The following AHNAK2 variants were observed in gnomAD, a reference collection of about 807,000 sequenced individuals.
AHNAK2 encodes protein AHNAK2.
AHNAK2 carries 18 observed loss-of-function variants against 30.7 expected under a neutral mutation model. The ratio of observed to expected loss-of-function variants is 0.59; its 90% CI spans 0.41 to 0.87. AHNAK2 has a LOEUF of 0.87. Among genes scored for constraint, AHNAK2 ranks in the 40% least tolerant of loss-of-function variants. The pLI, the probability that AHNAK2 is intolerant of heterozygous loss-of-function variation, is 0.00. For missense variants in AHNAK2, 8,604 were observed against 7,373.0 expected, an observed-to-expected ratio of 1.17 and a Z score of -6.11; for synonymous variants, 3,590 against 3,073.8, an observed-to-expected ratio of 1.17 and a Z score of -5.56.
chr14:104,941,276 T>C lies in AHNAK2; in HGVS notation c.14175A>G (p.Ala4725=). Residue 4725 remains alanine, a synonymous_variant, in exon 7 of 7, where the codon GCA becomes GCG. Coordinates refer to ENST00000333244, the MANE Select transcript of AHNAK2 (RefSeq NM_138420.4). ...KTPKDSLVPG[A]KSSIGLSTIP... ...TCGTGGAAAGACCTATGCTAGACTT[T>C]GCACCTGGGACTAAACTATCTTTAG... is the stretch of plus-strand genomic sequence containing the variant. 1 of 1,613,584 alleles carries C rather than the reference T, an allele frequency of 6.2e-7. No homozygotes were observed. Among genetic ancestry groups the C allele is most frequent in the Non-Finnish European group, 8.5e-7 (1 of 1,179,848 alleles).
At position 104,957,731 on chromosome 14, in the gene AHNAK2, G is replaced by A. The variant is rs77824155; in HGVS notation, c.56-59C>T. 1,646 of 1,527,572 alleles carry A rather than the reference G, an allele frequency of 1.1e-3. 53 individuals carry two copies. In the East Asian group the frequency reaches 0.029, roughly 27 times the overall value. 94.6% of individuals were successfully genotyped at this position (1,527,572 alleles called of 1,614,324 possible). A position where few individuals can be genotyped will look rare whatever the true frequency, so the allele number is the denominator to read the frequency against. On this transcript the variant is annotated intron_variant, in intron 1 of 6. Coordinates refer to ENST00000333244, the MANE Select transcript of AHNAK2 (RefSeq NM_138420.4). ...AGGCTGGGGGAGCAGATCGGGGCCC[G>A]GGGGAGGGAGCCAGGACTGTATGTA...
In AHNAK2 at chr14:104,937,419, G is replaced by A. The variant is rs1343811379; in HGVS notation, c.*644C>T. The A allele has an allele frequency of 1.3e-5, 2 of 152,484 alleles. No homozygotes were observed. Among genetic ancestry groups the A allele is most frequent in the Non-Finnish European group, 2.9e-5 (2 of 68,276 alleles). 9.4% of individuals were successfully genotyped at this position (152,484 alleles called of 1,614,324 possible). Reference sequence around the variant, plus strand: ...GGCAGGCCAGTGGACATGGATAGATGAGAATGACAACTCACAGATGTCCTA... The same window carrying A: ...GGCAGGCCAGTGGACATGGATAGATAAGAATGACAACTCACAGATGTCCTA... On this transcript the variant is annotated 3_prime_UTR_variant, in exon 7 of 7. Transcript: ENST00000333244.
At chr14:104,961,179 A>G (rs1899124959) in intron 1 of AHNAK2, among the ~76,000 whole-genome samples, 2 of 151,924 alleles carry the variant, frequency 1.3e-5, no homozygotes, top group African/African-American at 2.4e-5. Context: ...TTTTACAAAT[A>G]TAGAAGTAAA....
rs148191664 is a variant in AHNAK2 at position 104,944,447 on chromosome 14, C to T, written c.11004G>A (p.Val3668=). ...TGGAGGGGAGACTCACATCGGCTTC[C>T]ACCTTGGGTGCAGACACATCCACCG... ...EASVDVSAPK[V]EADVSLPSMQ... The change falls in exon 7 of 7, where the codon GTG becomes GTA. Residue 3668 remains valine (V), a synonymous_variant. Transcript: ENST00000333244. 8,921 of 1,613,168 alleles carry T rather than the reference C, an allele frequency of 5.5e-3. 37 individuals are homozygous for T. The highest frequency in any genetic ancestry group is 6.1e-3 in the Non-Finnish European group (7,249 of 1,179,634).
Position 104,957,489 on chromosome 14 carries a change from T to C in AHNAK2, c.134A>G (p.Asp45Gly), listed in dbSNP as rs1344326115. ...CTGCGGCCGTGGTCGAATGCCCTCA[T>C]CCGCAGGCCCTTCAGTCACCTGACG... is the stretch of plus-strand genomic sequence containing the variant. Reference protein sequence around the residue: ...DDHSVTEGPADEGIRPRPQGS... With the variant: ...DDHSVTEGPAGEGIRPRPQGS... The change falls in exon 3 of 7, where the codon GAT becomes GGT. Residue 45 changes from aspartate to glycine, a missense_variant. By Grantham distance (94) the Asp-to-Gly change is moderately conservative. Coordinates refer to ENST00000333244, the MANE Select transcript of AHNAK2 (RefSeq NM_138420.4). 6.2e-7 allele frequency: 1 copy of C among 1,600,222 alleles called. No individual in the cohort carries two copies. The highest frequency in any genetic ancestry group is 8.5e-7 in the Non-Finnish European group (1 of 1,171,752).
chr14:104,945,268 C>A lies in AHNAK2; in HGVS notation c.10183G>T (p.Glu3395Ter). Residue 3395 changes from glutamate (E) to a stop codon, truncating the protein, a stop_gained, in exon 7 of 7, where the codon GAG becomes TAG. Transcript: ENST00000333244. LOFTEE classifies it low-confidence loss of function (END_TRUNC). ...AGLKGHLPKV[E>*]MPSFKMPKVD... ...TTGGGCATCTTGAAACTGGGCATCTCCACCTTGGGCAGGTGCCCTTTGAGG... is the reference window on the plus strand; with the variant it reads ...TTGGGCATCTTGAAACTGGGCATCTACACCTTGGGCAGGTGCCCTTTGAGG... 6.2e-7 allele frequency: 1 copy of A among 1,611,104 alleles called. No individual in the cohort carries two copies. The highest frequency in any genetic ancestry group is 1.1e-5 in the South Asian group (1 of 90,958).
rs780930080 is a variant in AHNAK2, at chr14:104,947,388, T to G, written c.8063A>C (p.Gln2688Pro). 1.5e-5 allele frequency: 24 copies of G among 1,612,414 alleles called. No individual in the cohort carries two copies. The Admixed American group carries it at 3.7e-4, about 25-fold the overall frequency. Residue 2688 changes from glutamine (Q) to proline (P), a missense_variant, in exon 7 of 7, where the codon CAA becomes CCA. By Grantham distance (76) the Gln-to-Pro change is moderately conservative (BLOSUM62 -1). Coordinates refer to ENST00000333244, the MANE Select transcript of AHNAK2 (RefSeq NM_138420.4). Reference sequence around the variant, plus strand: ...GATGTCAGTGGTCTTAAGGTCCCCTTGCATGGAGGGGAGGCTCATGTCGGC... The same window carrying G: ...GATGTCAGTGGTCTTAAGGTCCCCTGGCATGGAGGGGAGGCTCATGTCGGC... ...VEADMSLPSM[Q>P]GDLKTTDISI... is the part of the protein sequence containing the mutation.
intron 5 of AHNAK2, 33 bp from the exon 6 acceptor site, chr14:104,955,174 TG>T: frequency 6.3e-7 from 1 of 1,577,936 alleles, no homozygotes; most frequent in Admixed American, 1.7e-5. Flanking sequence ...CAGGGCCGGG[TG>T]TGTGAATGAG....
intron 1 of AHNAK2, among the ~76,000 whole-genome samples, chr14:104,963,698 C>T (rs1263208297): frequency 5.3e-5 from 8 of 151,884 alleles, no homozygotes; most frequent in South Asian, 4.2e-4. Flanking sequence ...GGTGTGGTGG[C>T]GGGTGCCTGT....
In AHNAK2 at chr14:104,946,565, A is replaced by T. The variant is rs765433548; in HGVS notation, c.8886T>A (p.Gly2962=). The change falls in exon 7 of 7, where the codon GGT becomes GGA. Residue 2962 remains glycine (G), a synonymous_variant. Transcript: ENST00000333244. ...RAKLDGARLE[G]DLSLADKDVT... The stretch of plus-strand genomic sequence containing the variant: ...CATCCTTGTCGGCCAGGGACAGGTC[A>T]CCCTCCAGCCGTGCACCATCCAGCT... 6.3e-7 allele frequency: 1 copy of T among 1,590,476 alleles called. No individual in the cohort carries two copies.
Position 104,946,816 on chromosome 14 carries a change from C to A in AHNAK2, c.8635G>T (p.Val2879Leu), listed in dbSNP as rs367635530. Residue 2879 changes from valine (V) to leucine (L), a missense_variant, in exon 7 of 7, where the codon GTG (valine) becomes TTG (leucine). Physicochemically the swap from Val to Leu is conservative, Grantham distance 32 (BLOSUM62 1). Transcript: ENST00000333244. ...GGAACGTGGCCCTCTGGGAGTTTCACGTCCACCTGGCCAGCCTGGACCTCC... is the reference window on the plus strand; with the variant it reads ...GGAACGTGGCCCTCTGGGAGTTTCAAGTCCACCTGGCCAGCCTGGACCTCC... Reference protein sequence around the residue: ...QLEVQAGQVDVKLPEGHVPEG... With the variant: ...QLEVQAGQVDLKLPEGHVPEG... 1.2e-6 allele frequency: 2 copies of A among 1,610,240 alleles called. No homozygotes were observed. Among genetic ancestry groups the A allele is most frequent in the African/African-American group, 1.4e-5 (1 of 73,756 alleles).
Position 104,945,636 on chromosome 14 carries a change from G to T in AHNAK2, c.9815C>A (p.Pro3272His). ...GGCCTCGACGTCCACCTCCATGCTG[G>T]GCTGAGACACCTCCACGTCGGGGGC... ...VTAPDVEVSQ[P>H]SMEVDVEAPG... The change falls in exon 7 of 7, where the codon CCC becomes CAC. Residue 3272 changes from proline to histidine, a missense_variant. By Grantham distance (77) the Pro-to-His change is moderately conservative. Transcript: ENST00000333244. 2 of 1,566,338 alleles carry T rather than the reference G, an allele frequency of 1.3e-6. No individual in the cohort carries two copies. The highest frequency in any genetic ancestry group is 1.7e-6 in the Non-Finnish European group (2 of 1,147,144).
Position 104,943,616 on chromosome 14 carries a change from C to G in AHNAK2, c.11835G>C (p.Leu3945=), listed in dbSNP as rs1898100975. 2 of 1,613,280 alleles carry G rather than the reference C, an allele frequency of 1.2e-6. No homozygotes were observed. The highest frequency in any genetic ancestry group is 1.1e-5 in the South Asian group (1 of 91,058). ...EVDVEAPGAK[L]DGARLEGDLS... is the part of the protein sequence containing the mutation. ...GGTCCCCCTCCAGCCGCGCACCATC[C>G]AGCTTGGCTCCTGGGGCCTCGACGT... Residue 3945 remains leucine, a synonymous_variant, in exon 7 of 7, where the codon CTG becomes CTC. Transcript: ENST00000333244.
At chr14:104,977,160 T>C (rs907674049) in intron 1 of AHNAK2, among the ~76,000 whole-genome samples, 7 of 152,152 alleles carry the variant, frequency 4.6e-5, no homozygotes, top group African/African-American at 1.4e-4. Context: ...ACCTGCAGCA[T>C]TGTCGGCACC....
chr14:104,977,860 GAGAC>G (rs1899636060), intron 1 of AHNAK2, among the ~76,000 whole-genome samples: 1 of 152,232 alleles, frequency 6.6e-6, no homozygotes, highest in African/African-American at 2.4e-5. Flanking sequence ...GCGAGAAGGA[GAGAC>G]AGACAGGGAC....
chr14:104,938,412 T>C lies in AHNAK2; in HGVS notation c.17039A>G (p.Glu5680Gly). ...QRSAPIQTQP[E>G]ARPEAELPKK... is the part of the protein sequence containing the mutation. The stretch of plus-strand genomic sequence containing the variant: ...AGGCAGTTCTGCCTCTGGTCGTGCC[T>C]CAGGCTGTGTTTGAATGGGAGCAGA... Residue 5680 changes from glutamate to glycine, a missense_variant, in exon 7 of 7, where the codon GAG (glutamate) becomes GGG (glycine). By Grantham distance (98) the Glu-to-Gly change is moderately conservative. Transcript: ENST00000333244. 6.2e-7 allele frequency: 1 copy of C among 1,613,962 alleles called. No homozygotes were observed. Among genetic ancestry groups the C allele is most frequent in the South Asian group, 1.1e-5 (1 of 91,070 alleles).
chr14:104,947,089 C>T lies in AHNAK2; in HGVS notation c.8362G>A (p.Ala2788Thr), dbSNP rs1898321390. 1 of 1,612,358 alleles carries T rather than the reference C, an allele frequency of 6.2e-7. No individual in the cohort carries two copies. Among genetic ancestry groups the T allele is most frequent in the African/African-American group, 1.3e-5 (1 of 74,206 alleles). The change falls in exon 7 of 7, where the codon GCA (alanine) becomes ACA (threonine). Residue 2788 changes from alanine (A) to threonine (T), a missense_variant. Physicochemically the swap from Ala to Thr is moderately conservative, Grantham distance 58. Coordinates refer to ENST00000333244, the MANE Select transcript of AHNAK2 (RefSeq NM_138420.4). ...TCCAGCCGCGCACCATCCAGCTTTG[C>T]TCTCGGGGCCTGGACGTCCACCTCC... is the stretch of plus-strand genomic sequence containing the variant. ...SMEVDVQAPR[A>T]KLDGARLEGD...
chr14:104,966,605 C>G lies in AHNAK2; in HGVS notation c.56-8933G>C, dbSNP rs1270202609. Among the ~76,000 whole-genome samples, 1 of 152,038 alleles carries G rather than the reference C, an allele frequency of 6.6e-6. No individual in the cohort carries two copies. Among genetic ancestry groups the G allele is most frequent in the African/African-American group, 2.4e-5 (1 of 41,396 alleles). On this transcript the variant is annotated intron_variant, in intron 1 of 6. Transcript: ENST00000333244. This position sits in a 1 kb window ranked among gnomAD's most constrained non-coding sequence, Gnocchi z 4.3. ...ACCGCTCTGCCTCCCAGATGGCTGC[C>G]AAACCCTCCACTCCTTGCCCACCTG...
In AHNAK2 at chr14:104,950,339, A is replaced by C. The variant is rs368963988; in HGVS notation, c.5112T>G (p.Thr1704=). ...LPSMQGDLKT[T]DLSIQSPSAD... is the part of the protein sequence containing the mutation. The stretch of plus-strand genomic sequence containing the variant: ...CGGAAGGGGACTGAATGCTGAGGTC[A>C]GTGGTCTTCAGGTCCCCCTGCATGG... The change falls in exon 7 of 7, where the codon ACT becomes ACG. Residue 1704 remains threonine (T), a synonymous_variant. Coordinates refer to ENST00000333244, the MANE Select transcript of AHNAK2 (RefSeq NM_138420.4). The C allele has an allele frequency of 4.0e-4, 638 of 1,580,334 alleles. 58 individuals are homozygous for C. The East Asian group carries it at 4.8e-3, about 12-fold the overall frequency.
Sources: allele counts gnomAD v4.1 joint callset (sites outside exome capture counted in the v4.1 genomes callset), GRCh38; gene constraint gnomAD v4.1.1; non-coding constraint Gnocchi (gnomAD v3.1); transcripts MANE v1.5; gene names NCBI Gene and HGNC (gene_info 2026-07-23, HGNC 2026-07-21).